Variants in PRIM2 observed in about 807,000 individuals in gnomAD.
The protein encoded by PRIM2 is DNA primase large subunit.
In PRIM2, 39 loss-of-function variants were observed where a neutral mutation model predicts 67.3. The ratio of observed to expected loss-of-function variants is 0.58; its 90% confidence interval spans 0.45 to 0.76. The LOEUF is 0.76. Among genes scored for constraint, PRIM2 ranks in the 30% least tolerant of loss-of-function variants. The probability of loss-of-function intolerance (pLI) is 0.00; values close to 1 mark genes in which losing one functional copy is unlikely to be tolerated. For missense variants in PRIM2, 398 were observed against 598.7 expected (o/e 0.66, Z 3.50); for synonymous variants, 143 against 198.7 (o/e 0.72, Z 2.36).
chr6:57,245,923 T>A, the PRIM2 span, among the ~76,000 whole-genome samples: 1 of 152,226 alleles, frequency 6.6e-6, no homozygotes, highest in Admixed American at 6.5e-5. Context: ...TGAGAAAGAT[T>A]AGTTGATTGG....
chr6:57,394,644 G>A (rs1770460601), intron 7 of PRIM2, among the ~76,000 whole-genome samples: 1 of 151,964 alleles, frequency 6.6e-6, no homozygotes, highest in African/African-American at 2.4e-5. Context: ...TTACCTATTT[G>A]GATGCCCTTT....
intron 7 of PRIM2, among the ~76,000 whole-genome samples, chr6:57,506,225 G>C (rs1774248043): frequency 6.6e-6 from 1 of 151,740 alleles, no homozygotes; most frequent in Admixed American, 6.6e-5. Context: ...TTTTAAATTA[G>C]TAACTGTCGA....
At chr6:57,258,487 T>C in the PRIM2 span, among the ~76,000 whole-genome samples, 1 of 152,184 alleles carries the variant, frequency 6.6e-6, no homozygotes, top group Non-Finnish European at 1.5e-5. Flanking sequence ...CCAACCACCC[T>C]GCCAAAACTT....
At chr6:57,293,607 CT>C in the PRIM2 span, among the ~76,000 whole-genome samples, 1 of 152,144 alleles carries the variant, frequency 6.6e-6, no homozygotes, top group Admixed American at 6.5e-5. Flanking sequence ...CAATGATAGA[CT>C]GGATTAAGAA....
intron 13 of PRIM2, among the ~76,000 whole-genome samples, chr6:57,645,377 A>G (rs1777317834): frequency 6.7e-6 from 1 of 149,804 alleles, no homozygotes; most frequent in Non-Finnish European, 1.5e-5. Context: ...ACACATTTGT[A>G]TTCCAAACAT....
upstream of PRIM2, among the ~76,000 whole-genome samples, chr6:57,312,416 C>T (rs993349520): frequency 4.6e-5 from 7 of 151,914 alleles, no homozygotes; most frequent in African/African-American, 7.2e-5. Context: ...CTGGGAGGAT[C>T]GCTTGAGTCC....
intron 7 of PRIM2, among the ~76,000 whole-genome samples, chr6:57,444,276 A>G (rs1772292552): frequency 6.6e-6 from 1 of 152,154 alleles, no homozygotes. Context: ...AATAAAAATT[A>G]TGGTATTATA....
At chr6:57,401,754 G>C in intron 7 of PRIM2, among the ~76,000 whole-genome samples, 1 of 152,206 alleles carries the variant, frequency 6.6e-6, no homozygotes, top group Non-Finnish European at 1.5e-5. Flanking sequence ...GCCCAGGATG[G>C]AGGGCCTGTG....
At chr6:57,323,043 A>G (rs150007054) in intron 3 of PRIM2, among the ~76,000 whole-genome samples, 1 of 151,264 alleles carries the variant, frequency 6.6e-6, no homozygotes, top group Admixed American at 6.6e-5. Context: ...CAGTTTCCTT[A>G]TCTGTAAAAT....
At chr6:57,240,688 T>G in the PRIM2 span, among the ~76,000 whole-genome samples, 1,712 of 152,244 alleles carry the variant, frequency 0.011, 35 homozygotes, top group African/African-American at 0.038. Flanking sequence ...CAAGGAGAGA[T>G]AATTGATAGA....
At chr6:57,528,207 G>A (rs1200944566) in intron 8 of PRIM2, among the ~76,000 whole-genome samples, 1 of 149,534 alleles carries the variant, frequency 6.7e-6, no homozygotes, top group Non-Finnish European at 1.5e-5. Context: ...GGGCTCAAGC[G>A]GTCCTCCTGC....
intron 10 of PRIM2, among the ~76,000 whole-genome samples, chr6:57,546,517 C>T (rs1232195351): frequency 7.2e-5 from 11 of 152,082 alleles, no homozygotes; most frequent in African/African-American, 2.4e-4. Context: ...CACAAAACAT[C>T]GTTAACTCTT....
intron 8 of PRIM2, among the ~76,000 whole-genome samples, chr6:57,515,197 C>A (rs1401412335): frequency 3.3e-5 from 5 of 152,114 alleles, no homozygotes; most frequent in Non-Finnish European, 5.9e-5. Context: ...GCATAATAGT[C>A]AATCAAGAAT....
At chr6:57,414,671 T>C (rs1429980228) in intron 7 of PRIM2, among the ~76,000 whole-genome samples, 2 of 152,160 alleles carry the variant, frequency 1.3e-5, no homozygotes, top group Admixed American at 1.3e-4. Flanking sequence ...CATTGCTTCT[T>C]AATTATCAGA....
At position 57,645,996 on chromosome 6, in the gene PRIM2, T is replaced by G. The variant is rs1320468121; in HGVS notation, c.1368T>G (p.Asn456Lys). 2 of 1,607,562 alleles carry G rather than the reference T, an allele frequency of 1.2e-6. No homozygotes were observed. The highest frequency in any genetic ancestry group is 4.5e-5 in the East Asian group (2 of 44,826). The change falls in exon 14 of 14, where the codon AAT becomes AAG. Residue 456 changes from asparagine (N) to lysine (K), a missense_variant. Physicochemically the swap from Asn to Lys is moderately conservative, Grantham distance 94. Coordinates refer to ENST00000615550, the MANE Select transcript of PRIM2 (RefSeq NM_000947.5). ...QFFCESQRILNGGKDIKKEPI... is the reference protein window; with the variant it reads ...QFFCESQRILKGGKDIKKEPI... ...TTTGTGAGAGCCAACGTATTCTAAA[T>G]GGTGGTAAAGACATAAAGAAGGAAC...
chr6:57,599,409 T>G (rs1776422804), intron 10 of PRIM2, among the ~76,000 whole-genome samples: 1 of 151,654 alleles, frequency 6.6e-6, no homozygotes. Flanking sequence ...GGACATAACT[T>G]CTCTCTTTCA....
intron 10 of PRIM2, among the ~76,000 whole-genome samples, chr6:57,539,696 A>G (rs1163149298): frequency 1.3e-5 from 2 of 151,448 alleles, no homozygotes; most frequent in African/African-American, 4.9e-5. Flanking sequence ...AAATAAAATT[A>G]TAAGAAACTA....
intron 10 of PRIM2, among the ~76,000 whole-genome samples, chr6:57,553,944 A>G (rs1161801191): frequency 2.6e-5 from 4 of 152,146 alleles, no homozygotes; most frequent in African/African-American, 9.7e-5. Context: ...TGGGCCTTCT[A>G]GGAATAGTAC....
Position 57,503,680 on chromosome 6 carries a change from C to T in PRIM2, c.694-3707C>T, listed in dbSNP as rs1554347079. On this transcript the variant is annotated intron_variant, in intron 7 of 13. Coordinates refer to ENST00000615550, the MANE Select transcript of PRIM2 (RefSeq NM_000947.5). Reference sequence around the variant, plus strand: ...AGGAGAATTGCTTGAATGCGGGAGGCGGAGGTTGGAGGTTGCAGTGGGCCA... The same window carrying T: ...AGGAGAATTGCTTGAATGCGGGAGGTGGAGGTTGGAGGTTGCAGTGGGCCA... 5.3e-5 allele frequency among the ~76,000 whole-genome samples: 8 copies of T among 151,568 alleles called. No individual in the cohort carries two copies. The East Asian group carries it at 5.9e-4, about 11-fold the overall frequency.
Sources: allele counts gnomAD v4.1 joint callset (sites outside exome capture counted in the v4.1 genomes callset), GRCh38; gene constraint gnomAD v4.1.1; transcripts MANE v1.5; gene names NCBI Gene and HGNC (gene_info 2026-07-23, HGNC 2026-07-21).